The following RANBP9 variants were observed in gnomAD, a reference collection of about 807,000 sequenced individuals.
RANBP9 encodes the protein ran-binding protein 9.
RANBP9 carries 15 observed loss-of-function variants against 84.3 expected under a neutral mutation model. The observed-to-expected ratio is 0.18, with a 90% CI of 0.12 to 0.27. The LOEUF is 0.27. RANBP9 is among the 10% of genes least tolerant of loss of function. RANBP9 has a pLI of 1.00. For synonymous variants in RANBP9, 392 were observed against 349.6 expected (o/e 1.12, Z -1.35); for missense variants, 809 against 912.8 (o/e 0.89, Z 1.46).
chr6:13,676,893 C>A (rs577884980), intron 2 of RANBP9, among the ~76,000 whole-genome samples: 14 of 152,178 alleles, frequency 9.2e-5, no homozygotes, highest in African/African-American at 3.1e-4. Context: ...TACAAAAAAC[C>A]TACAATTAGT....
At chr6:13,709,668 G>A (rs1343592477) in intron 1 of RANBP9, among the ~76,000 whole-genome samples, 1 of 152,284 alleles carries the variant, frequency 6.6e-6, no homozygotes, top group Non-Finnish European at 1.5e-5. Context: ...TGGATGTATG[G>A]CGAGAATAAA....
chr6:13,644,395 AC>A, intron 6 of RANBP9, 149 bp downstream of exon 6: 1 of 703,754 alleles, frequency 1.4e-6, no homozygotes, highest in South Asian at 2.6e-5. Context: ...GGAGTAAATT[AC>A]TTTTCGTTGA....
In RANBP9 at chr6:13,627,252, G is replaced by A. The variant is rs566593352; in HGVS notation, c.1948-1488C>T. ...ACAAAGCTACTTGGTTCTACTTCCC[G>A]CCCCTAACCCAACCCACACTTCCCA... On this transcript the variant is annotated intron_variant, in intron 12 of 13. Coordinates refer to ENST00000011619, the MANE Select transcript of RANBP9 (RefSeq NM_005493.3). 1.0e-3 allele frequency among the ~76,000 whole-genome samples: 155 copies of A among 152,066 alleles called. 2 individuals carry two copies. The highest frequency in any genetic ancestry group is 9.6e-3 in the Admixed American group (147 of 15,272).
chr6:13,677,023 C>T (rs1309041628), intron 2 of RANBP9, among the ~76,000 whole-genome samples: 1 of 151,136 alleles, frequency 6.6e-6, no homozygotes, highest in Admixed American at 6.6e-5. Flanking sequence ...TGCAATGAGA[C>T]AAGAAAAGGA....
rs755238725 is a variant in RANBP9 at position 13,622,402 on chromosome 6, C to T, written c.2150G>A (p.Gly717Glu). The change falls in exon 14 of 14, where the codon GGA (glycine) becomes GAA (glutamate). Residue 717 changes from glycine to glutamate, a missense_variant. Gly to Glu is a moderately conservative substitution (Grantham distance 98). Around this residue, in one of 5 missense-constraint regions of RANBP9, gnomAD observed 233 missense variants for 234.4 expected, o/e 0.99. Coordinates refer to ENST00000011619, the MANE Select transcript of RANBP9 (RefSeq NM_005493.3). ...CLGLMARSGI[G>E]SCAFATVEDY... is the part of the protein sequence containing the mutation. The stretch of plus-strand genomic sequence containing the variant: ...TTCCACTGTGGCAAATGCGCAGGAT[C>T]CAATTCCTGATCGAGCCATCAGTCC... 3.7e-6 allele frequency: 6 copies of T among 1,600,602 alleles called. No homozygotes were observed. In the Admixed American group the frequency reaches 1.0e-4, roughly 28 times the overall value.
At chr6:13,652,788 AC>A (rs1584924612) in intron 4 of RANBP9, 107 bp from the exon 5 acceptor site, 3 of 930,688 alleles carry the variant, frequency 3.2e-6, no homozygotes, top group Non-Finnish European at 3.3e-6. Context: ...AAAGAAAAAA[AC>A]ATTAAAGCCT....
chr6:13,697,454 T>C (rs1230104725), intron 1 of RANBP9, among the ~76,000 whole-genome samples: 2 of 152,246 alleles, frequency 1.3e-5, no homozygotes, highest in African/African-American at 2.4e-5. Context: ...TCATAAAATC[T>C]CTTGGGCCAA....
At chr6:13,668,372 C>T (rs145361056) in intron 2 of RANBP9, among the ~76,000 whole-genome samples, 68 of 152,094 alleles carry the variant, frequency 4.5e-4, no homozygotes, top group African/African-American at 1.6e-3. Flanking sequence ...ACTCATTCTA[C>T]AAAGCCAGTA....
At chr6:13,644,481 C>G in intron 6 of RANBP9, 64 bp downstream of exon 6, 1 of 1,496,808 alleles carries the variant, frequency 6.7e-7, no homozygotes, top group Non-Finnish European at 9.1e-7. Context: ...TGGATACCAA[C>G]AGAATAAATG....
intron 12 of RANBP9, among the ~76,000 whole-genome samples, chr6:13,630,852 T>C (rs1396723705): frequency 6.6e-6 from 1 of 152,152 alleles, no homozygotes; most frequent in Admixed American, 6.5e-5. Context: ...TATTTTTTTT[T>C]TTTTAAGAGG....
At chr6:13,696,331 T>C (rs753840044) in intron 2 of RANBP9, among the ~76,000 whole-genome samples, 10 of 152,210 alleles carry the variant, frequency 6.6e-5, no homozygotes, top group Non-Finnish European at 1.5e-4. Flanking sequence ...AACCACATCC[T>C]AAACCTTGAA....
intron 6 of RANBP9, among the ~76,000 whole-genome samples, chr6:13,642,895 C>G (rs540845680): frequency 5.6e-4 from 86 of 152,286 alleles, no homozygotes; most frequent in African/African-American, 1.9e-3. Context: ...TCATTACCCC[C>G]AGGTCCCTTC....
At chr6:13,689,004 A>AAAAAAAAAAG (rs374538732) in intron 2 of RANBP9, among the ~76,000 whole-genome samples, 3,090 of 108,662 alleles carry the variant, frequency 0.028, 508 homozygotes, top group African/African-American at 0.051. Context: ...AAAAAAAAAA[A>AAAAAAAAAAG]TGCTGGGCAT....
intron 4 of RANBP9, among the ~76,000 whole-genome samples, chr6:13,656,233 TG>T (rs1326642315): frequency 1.3e-5 from 2 of 152,204 alleles, no homozygotes; most frequent in African/African-American, 4.8e-5. Flanking sequence ...AAATACTATT[TG>T]TAAATAGTTT....
chr6:13,688,337 A>C (rs950392001), intron 2 of RANBP9, among the ~76,000 whole-genome samples: 7 of 152,220 alleles, frequency 4.6e-5, no homozygotes, highest in Admixed American at 1.3e-4. Flanking sequence ...AAGGACAGAG[A>C]AGCTTATGTT....
Position 13,711,299 on chromosome 6 carries a change from G to A in RANBP9, c.207C>T (p.Leu69=). Residue 69 remains leucine, a synonymous_variant, in exon 1 of 14, where the codon CTC becomes CTT. Coordinates refer to ENST00000011619, the MANE Select transcript of RANBP9 (RefSeq NM_005493.3). ...CCGGGGGCGGCGGCGGCGGAGGGTG[G>A]AGGAGCAGGGCGGCCGCCGCGGCCC... ...GLGAAAAALL[L]HPPPPPPPAT... is the part of the protein sequence containing the mutation. 1 of 1,032,722 alleles carries A rather than the reference G, an allele frequency of 9.7e-7. No homozygotes were observed. The highest frequency in any genetic ancestry group is 1.2e-6 in the Non-Finnish European group (1 of 862,582). 64.0% of individuals were successfully genotyped at this position (1,032,722 alleles called of 1,614,324 possible).
chr6:13,691,593 A>G (rs577147471), intron 2 of RANBP9, among the ~76,000 whole-genome samples: 3 of 152,292 alleles, frequency 2.0e-5, no homozygotes, highest in Admixed American at 6.5e-5. Context: ...GCCAAGGACA[A>G]TTTATTTTAA....
chr6:13,674,083 CAAAA>C (rs35496559), intron 2 of RANBP9, among the ~76,000 whole-genome samples: 2 of 94,570 alleles, frequency 2.1e-5, no homozygotes, highest in Admixed American at 1.1e-4. Context: ...GACCTTGTCT[CAAAA>C]AAAAAAAAAA....
intron 1 of RANBP9, among the ~76,000 whole-genome samples, chr6:13,704,659 T>C (rs182192078): frequency 2.6e-5 from 4 of 151,654 alleles, no homozygotes; most frequent in East Asian, 3.9e-4. Flanking sequence ...AGCCTCCTAA[T>C]TGATCTTTTC....
Sources: allele counts gnomAD v4.1 joint callset (sites outside exome capture counted in the v4.1 genomes callset), GRCh38; gene constraint gnomAD v4.1.1; regional missense constraint gnomAD v4.1.1; transcripts MANE v1.5; gene names NCBI Gene and HGNC (gene_info 2026-07-23, HGNC 2026-07-21).